Variants in DPP6 observed in about 807,000 individuals in gnomAD.
DPP6 encodes dipeptidyl peptidase like 6, also known as A-type potassium channel modulatory protein DPP6.
A neutral mutation model predicts 122.6 loss-of-function variants in DPP6; 69 were observed. The observed-to-expected ratio is 0.56, with a 90% confidence interval of 0.46 to 0.69. The LOEUF (loss-of-function observed/expected upper bound fraction) is 0.69. DPP6 is among the 30% of genes least tolerant of loss of function. The pLI, the probability that DPP6 is intolerant of heterozygous loss-of-function variation, is 0.00. For synonymous variants in DPP6, 418 were observed against 433.1 expected (o/e 0.97, Z 0.43); for missense variants, 928 against 1,116.9 (o/e 0.83, Z 2.41).
intron 5 of DPP6, among the ~76,000 whole-genome samples, chr7:154,588,879 G>A (rs754641147): frequency 6.6e-6 from 1 of 152,140 alleles, no homozygotes; most frequent in Non-Finnish European, 1.5e-5. Flanking sequence ...ATTCTTTCAA[G>A]GCCATTGATC....
chr7:154,199,162 C>G (rs75417456), intron 1 of DPP6, among the ~76,000 whole-genome samples: 1 of 151,952 alleles, frequency 6.6e-6, no homozygotes, highest in Non-Finnish European at 1.5e-5. Context: ...AATTGCAAGT[C>G]GTCAGGAGTT....
Position 154,862,989 on chromosome 7 carries a change from C to T in DPP6, c.1715-5006C>T, listed in dbSNP as rs1462232319. On this transcript the variant is annotated intron_variant, in intron 17 of 25. Transcript: ENST00000377770. Reference sequence around the variant, plus strand: ...AGGACCTCTTTTTCTTTTTTGACCTCCTGGGCTCAAGCAATCCTCCCACCT... The same window carrying T: ...AGGACCTCTTTTTCTTTTTTGACCTTCTGGGCTCAAGCAATCCTCCCACCT... 2.6e-5 allele frequency among the ~76,000 whole-genome samples: 4 copies of T among 152,296 alleles called. No homozygotes were observed. In the East Asian group the frequency reaches 7.7e-4, roughly 29 times the overall value.
chr7:154,034,499 A>G (rs1308299848), intron 1 of DPP6, among the ~76,000 whole-genome samples: 1 of 152,040 alleles, frequency 6.6e-6, no homozygotes, highest in Admixed American at 6.6e-5. Flanking sequence ...AAGCAAATCT[A>G]CGGGTCTCCC....
chr7:154,389,364 G>A (rs1424378421), intron 1 of DPP6, among the ~76,000 whole-genome samples: 1 of 152,112 alleles, frequency 6.6e-6, no homozygotes, highest in Non-Finnish European at 1.5e-5. Flanking sequence ...TTCATTTCAG[G>A]CTGAAAACAG....
At chr7:154,834,703 C>T (rs1021001061) in intron 16 of DPP6, among the ~76,000 whole-genome samples, 1 of 152,244 alleles carries the variant, frequency 6.6e-6, no homozygotes, top group Non-Finnish European at 1.5e-5. Flanking sequence ...GACCCTGCCT[C>T]TTCCGCTGCT....
At chr7:154,121,133 C>A (rs1157039709) in intron 1 of DPP6, among the ~76,000 whole-genome samples, 3 of 152,204 alleles carry the variant, frequency 2.0e-5, no homozygotes, top group Non-Finnish European at 4.4e-5. Context: ...GAGTCCCTCC[C>A]AGCCATGTGG....
intron 1 of DPP6, among the ~76,000 whole-genome samples, chr7:154,127,620 C>CACACACACACACACACACACAG (rs1563225612): frequency 1.1e-3 from 126 of 119,430 alleles, no homozygotes; most frequent in African/African-American, 5.0e-3. Context: ...CACACACACA[C>CACACACACACACACACACACAG]ACACACACAC....
At chr7:154,181,580 T>C (rs1480827521) in intron 1 of DPP6, among the ~76,000 whole-genome samples, 1 of 152,188 alleles carries the variant, frequency 6.6e-6, no homozygotes, top group Non-Finnish European at 1.5e-5. Context: ...TTTCTACCAA[T>C]GGCAGAAAGT....
chr7:154,406,453 A>G (rs1432164531), intron 1 of DPP6, among the ~76,000 whole-genome samples: 9 of 137,336 alleles, frequency 6.6e-5, no homozygotes, highest in African/African-American at 2.8e-4. Flanking sequence ...ACACACGCAC[A>G]CATGCACATG....
chr7:154,822,681 G>A (rs35829939), intron 16 of DPP6, among the ~76,000 whole-genome samples: 19,281 of 151,924 alleles, frequency 0.13, 1,505 homozygotes, highest in Non-Finnish European at 0.18. Flanking sequence ...CGCCCCCAAC[G>A]ACTTCATCCA....
intron 1 of DPP6, among the ~76,000 whole-genome samples, chr7:153,970,616 A>G (rs1421142248): frequency 2.6e-5 from 4 of 152,152 alleles, no homozygotes; most frequent in Non-Finnish European, 2.9e-5. Flanking sequence ...GAAATTTTGT[A>G]GTTTTAATTT....
chr7:153,887,790 A>C, intron 1 of DPP6: 4 of 1,590,188 alleles, frequency 2.5e-6, no homozygotes, highest in Non-Finnish European at 3.4e-6. Flanking sequence ...GTGAGGAGCG[A>C]TGCTGGGGGA....
At chr7:153,817,852 C>T in the DPP6 span, among the ~76,000 whole-genome samples, 71 of 151,128 alleles carry the variant, frequency 4.7e-4, no homozygotes, top group Non-Finnish European at 8.3e-4. Context: ...ACCAACATGG[C>T]ACATGTATAC....
Position 154,282,726 on chromosome 7 carries a change from G to C in DPP6, c.244-163488G>C, listed in dbSNP as rs1356242198. ...CATCAAAAAGACCATTGTTCTCCCA[G>C]ACTTTCAGTATAACAAACAAATTTA... is the stretch of plus-strand genomic sequence containing the variant. On this transcript the variant is annotated intron_variant, in intron 1 of 25. Transcript: ENST00000377770. This position sits in a 1 kb window ranked among gnomAD's most constrained non-coding sequence, Gnocchi z 4.8. Among the ~76,000 whole-genome samples, 1 of 152,164 alleles carries C rather than the reference G, an allele frequency of 6.6e-6. No homozygotes were observed. The highest frequency in any genetic ancestry group is 1.5e-5 in the Non-Finnish European group (1 of 68,016).
intron 1 of DPP6, among the ~76,000 whole-genome samples, chr7:154,070,172 A>C (rs148742474): frequency 0.016 from 2,365 of 146,064 alleles, 55 homozygotes; most frequent in African/African-American, 0.054. Context: ...AAAGAGAAGA[A>C]AGTTTCCCTA....
chr7:154,588,131 G>A lies in DPP6; in HGVS notation c.627+21215G>A, dbSNP rs745347912. The A allele has an allele frequency of 3.2e-6, 5 of 1,565,364 alleles. No individual in the cohort carries two copies. The African/African-American group carries it at 4.0e-5, about 13-fold the overall frequency. ...GCACAGGCTTGTTCCTTCAACACTG[G>A]TGGAGAGAGACACGCTGTCATCAGG... On this transcript the variant is annotated intron_variant, in intron 5 of 25. Transcript: ENST00000377770.
At chr7:154,462,824 C>T (rs1199161643) in intron 2 of DPP6, among the ~76,000 whole-genome samples, 15 of 135,922 alleles carry the variant, frequency 1.1e-4, no homozygotes, top group Admixed American at 1.5e-4. Flanking sequence ...CAACAGTCCC[C>T]GGTGTGTGAT....
At chr7:154,155,653 T>C (rs1293450121) in intron 1 of DPP6, among the ~76,000 whole-genome samples, 2 of 152,226 alleles carry the variant, frequency 1.3e-5, no homozygotes, top group South Asian at 2.1e-4. Flanking sequence ...CAGCATTTTC[T>C]TCTGAAAACG....
chr7:154,261,217 T>C (rs1563381911), intron 1 of DPP6, among the ~76,000 whole-genome samples: 1 of 152,158 alleles, frequency 6.6e-6, no homozygotes, highest in Non-Finnish European at 1.5e-5. Flanking sequence ...TTTTAAGGAA[T>C]CTCCACACTG....
Sources: gnomAD v4.1 joint callset for allele counts (sites outside exome capture counted in the v4.1 genomes callset) on GRCh38, gnomAD v4.1.1 for gene constraint, Gnocchi (gnomAD v3.1) non-coding constraint, MANE v1.5 for transcripts, NCBI Gene and HGNC (gene_info 2026-07-23, HGNC 2026-07-21) for gene names.